Variants in SERPINE2 observed in about 807,000 individuals in gnomAD.
SERPINE2 encodes serpin family E member 2.
In SERPINE2, 14 loss-of-function variants were observed where a neutral mutation model predicts 36.3. That is an observed-to-expected ratio of 0.39 (90% CI 0.25 to 0.60). The LOEUF (loss-of-function observed/expected upper bound fraction) is 0.60, where lower values mean the gene tolerates loss of function less well. Ranked by LOEUF, SERPINE2 falls within the 20% of genes least tolerant of loss-of-function variation. The probability of loss-of-function intolerance (pLI) is 0.57; values close to 1 mark genes in which losing one functional copy is unlikely to be tolerated. For missense variants in SERPINE2, 418 were observed against 499.6 expected (o/e 0.84, Z 1.56); for synonymous variants, 192 against 191.8 (o/e 1.00, Z -0.01).
chr2:223,988,529 T>C (rs958323923), intron 4 of SERPINE2, among the ~76,000 whole-genome samples: 2 of 152,162 alleles, frequency 1.3e-5, no homozygotes, highest in African/African-American at 2.4e-5. Context: ...TAAGACGTAA[T>C]GTGAACAGAC....
intron 1 of SERPINE2, among the ~76,000 whole-genome samples, chr2:224,034,032 C>T (rs1692461360): frequency 6.6e-6 from 1 of 152,204 alleles, no homozygotes; most frequent in Admixed American, 6.5e-5. Context: ...AACACTCTTC[C>T]ATAAAGCATG....
chr2:224,023,453 T>C (rs1005725987), intron 1 of SERPINE2, among the ~76,000 whole-genome samples: 2 of 152,214 alleles, frequency 1.3e-5, no homozygotes, highest in Admixed American at 1.3e-4. Context: ...TTACTTACTA[T>C]CTTTCCCAGA....
intron 1 of SERPINE2, among the ~76,000 whole-genome samples, chr2:224,010,929 C>T (rs1045770551): frequency 1.2e-4 from 19 of 152,180 alleles, no homozygotes; most frequent in African/African-American, 4.6e-4. Flanking sequence ...AAAGCCTTGT[C>T]TGTATCTTTA....
intron 2 of SERPINE2, chr2:224,001,407 G>A (rs1236337701): frequency 2.1e-6 from 1 of 480,778 alleles, no homozygotes; most frequent in Non-Finnish European, 3.7e-6. Context: ...GAGACCTAGT[G>A]GCAGACCCCA....
At chr2:224,036,468 C>T (rs1348332465) in intron 1 of SERPINE2, among the ~76,000 whole-genome samples, 2 of 145,002 alleles carry the variant, frequency 1.4e-5, no homozygotes, top group African/African-American at 5.2e-5. Flanking sequence ...ACATCACACA[C>T]TGGGGCCTGT....
intron 1 of SERPINE2, among the ~76,000 whole-genome samples, chr2:224,026,553 A>G (rs1310242922): frequency 6.6e-6 from 1 of 151,956 alleles, no homozygotes; most frequent in Non-Finnish European, 1.5e-5. Flanking sequence ...TTTTTTGCGA[A>G]CTCTTAATGA....
chr2:224,022,823 C>A (rs527715326), intron 1 of SERPINE2, among the ~76,000 whole-genome samples: 49 of 152,330 alleles, frequency 3.2e-4, no homozygotes, highest in Non-Finnish European at 5.4e-4. Context: ...GTGCCAAGGG[C>A]AGGACCAGGT....
At chr2:223,997,200 G>T (rs1690922620) in intron 3 of SERPINE2, among the ~76,000 whole-genome samples, 1 of 136,394 alleles carries the variant, frequency 7.3e-6, no homozygotes, top group Admixed American at 7.1e-5. Flanking sequence ...ACAAATTAAG[G>T]TTTTTTTGTT....
chr2:224,005,069 A>ATATTTT lies in SERPINE2; in HGVS notation c.-22-3148_-22-3147insAAAATA, dbSNP rs1310760240. ...ATTTTATATATTTTATATATATTAT[A>ATATTTT]TATATATATATATATATATATATAT... On this transcript the variant is annotated intron_variant, in intron 1 of 8. Transcript: ENST00000409304. Among the ~76,000 whole-genome samples the ATATTTT allele has an allele frequency of 8.6e-4, 26 of 30,278 alleles. 1 individual carries two copies. In the East Asian group the frequency reaches 0.01, roughly 12 times the overall value. The allele number at this position is 30,278 out of a possible 152,430, so 19.9% of individuals were successfully genotyped here. A position where few individuals can be genotyped will look rare whatever the true frequency, so the allele number is the denominator to read the frequency against.
At position 224,038,476 on chromosome 2, in the gene SERPINE2, T is replaced by C. The variant is rs1300196416; in HGVS notation, c.-23+623A>G. On this transcript the variant is annotated intron_variant, in intron 1 of 8. Transcript: ENST00000409304. ...TTCCTTCCAGAATTTCTGAGTACCG[T>C]ACTTTCATTTTACCTGCAGTCACTC... 1.9e-6 allele frequency: 3 copies of C among 1,550,904 alleles called. No individual in the cohort carries two copies. The South Asian group carries it at 3.6e-5, about 18-fold the overall frequency.
intron 1 of SERPINE2, among the ~76,000 whole-genome samples, chr2:224,025,738 G>A (rs1215517792): frequency 6.6e-6 from 1 of 152,132 alleles, no homozygotes; most frequent in African/African-American, 2.4e-5. Context: ...TTTTCAAAAC[G>A]ATGTGCAACA....
At chr2:224,017,018 G>A (rs1376311164) in intron 1 of SERPINE2, among the ~76,000 whole-genome samples, 2 of 152,180 alleles carry the variant, frequency 1.3e-5, no homozygotes, top group East Asian at 3.8e-4. Context: ...GGCATGAGGG[G>A]TCCCTGTGGT....
chr2:223,990,193 G>A (rs1690607370), intron 4 of SERPINE2, among the ~76,000 whole-genome samples: 1 of 152,140 alleles, frequency 6.6e-6, no homozygotes, highest in African/African-American at 2.4e-5. Context: ...AGGGCAAGGG[G>A]GCCCAGAGCA....
chr2:224,023,398 G>C (rs1447727943), intron 1 of SERPINE2, among the ~76,000 whole-genome samples: 1 of 152,218 alleles, frequency 6.6e-6, no homozygotes, highest in Non-Finnish European at 1.5e-5. Flanking sequence ...ACCATTTGGT[G>C]ATCCAGCCTA....
intron 1 of SERPINE2, chr2:224,030,355 C>A: frequency 2.8e-6 from 1 of 352,606 alleles, no homozygotes; most frequent in Non-Finnish European, 4.0e-6. Flanking sequence ...ACATGAGTCT[C>A]AGAGAAGTGC....
intron 1 of SERPINE2, chr2:224,031,115 T>C (rs943856453): frequency 2.0e-6 from 2 of 985,332 alleles, no homozygotes; most frequent in Non-Finnish European, 2.4e-6. Flanking sequence ...TAAACATTGA[T>C]GGGATGTAAA....
At position 223,991,790 on chromosome 2, in the gene SERPINE2, A is replaced by G. The variant is rs772490314; in HGVS notation, c.685+13T>C. 1.2e-6 allele frequency: 2 copies of G among 1,613,242 alleles called. No individual in the cohort carries two copies. Among genetic ancestry groups the G allele is most frequent in the African/African-American group, 1.3e-5 (1 of 74,908 alleles). ...GCACATCCTAGAACAGGCTTCGCTG[A>G]GCATGAACTCACCACACCGGAACAC... On this transcript the variant is annotated intron_variant, in intron 4 of 8. Transcript: ENST00000409304.
intron 8 of SERPINE2, 31 bp downstream of exon 8, chr2:223,977,509 CAGAG>C (rs748177602): frequency 7.4e-7 from 1 of 1,357,248 alleles, no homozygotes; most frequent in Non-Finnish European, 1.1e-6. Context: ...GAAATTCTAA[CAGAG>C]AGGGCATGAT....
chr2:224,012,551 C>A (rs954902605), intron 1 of SERPINE2, among the ~76,000 whole-genome samples: 2 of 149,354 alleles, frequency 1.3e-5, no homozygotes, highest in Non-Finnish European at 3.0e-5. Flanking sequence ...TGCAGTGAGC[C>A]GAGATCCCAC....
Sources: allele counts gnomAD v4.1 joint callset (sites outside exome capture counted in the v4.1 genomes callset), GRCh38; gene constraint gnomAD v4.1.1; transcripts MANE v1.5; gene names NCBI Gene and HGNC (gene_info 2026-07-23, HGNC 2026-07-21).